PRUNE2: variants seen among roughly 807,000 people sequenced by gnomAD.
PRUNE2 encodes the protein protein prune homolog 2.
Under a neutral mutation model 252.0 loss-of-function variants are expected in PRUNE2, and 164 were observed. The observed-to-expected ratio is 0.65, with a 90% CI of 0.57 to 0.74. The LOEUF is 0.74. PRUNE2 is among the 30% of genes least tolerant of loss of function. The pLI is 0.00. For synonymous variants in PRUNE2, 1,292 were observed against 1,350.2 expected, an observed-to-expected ratio of 0.96 and a Z score of 0.94; for missense variants, 3,495 against 3,711.0, an observed-to-expected ratio of 0.94 and a Z score of 1.51.
intron 4 of PRUNE2, among the ~76,000 whole-genome samples, chr9:76,837,171 C>T (rs1225972951): frequency 1.3e-5 from 2 of 152,078 alleles, no homozygotes; most frequent in South Asian, 2.1e-4. Flanking sequence ...TGGCCGGGCA[C>T]AGTGGCTCTC....
At chr9:76,878,053 G>A (rs1321371558) in intron 1 of PRUNE2, among the ~76,000 whole-genome samples, 1 of 152,172 alleles carries the variant, frequency 6.6e-6, no homozygotes, top group East Asian at 1.9e-4. Flanking sequence ...AGATGCTGCA[G>A]GTCCTGCTGA....
intron 6 of PRUNE2, chr9:76,736,956 C>T (rs560604198): frequency 6.6e-6 from 1 of 152,030 alleles, no homozygotes; most frequent in Non-Finnish European, 1.5e-5. Context: ...CACACTGACC[C>T]GGGAAAGGTG....
At chr9:76,672,349 CT>C (rs1311574720) in intron 9 of PRUNE2, among the ~76,000 whole-genome samples, 2 of 113,586 alleles carry the variant, frequency 1.8e-5, no homozygotes, top group East Asian at 5.0e-4. Context: ...ACAAGAAGAG[CT>C]AACTATCCTA....
intron 6 of PRUNE2, among the ~76,000 whole-genome samples, chr9:76,793,936 A>G (rs2055800648): frequency 6.6e-6 from 1 of 152,180 alleles, no homozygotes; most frequent in East Asian, 1.9e-4. Context: ...CTTTTCAAAA[A>G]GGCGTGGGCT....
At position 76,870,740 on chromosome 9, in the gene PRUNE2, G is replaced by T. The variant is rs17785235; in HGVS notation, c.37-16532C>A. Among the ~76,000 whole-genome samples the T allele has an allele frequency of 5.8e-3, 885 of 152,020 alleles. 7 individuals are homozygous for T. Among genetic ancestry groups the T allele is most frequent in the Admixed American group, 0.012 (176 of 15,254 alleles). ...TTGGTTTCCAGATGTGGTGGTAGGGGATGTTGACAGTAAGATGTGGAGTGA... is the reference window on the plus strand; with the variant it reads ...TTGGTTTCCAGATGTGGTGGTAGGGTATGTTGACAGTAAGATGTGGAGTGA... On this transcript the variant is annotated intron_variant, in intron 1 of 18. Coordinates refer to ENST00000376718, the MANE Select transcript of PRUNE2 (RefSeq NM_015225.3).
chr9:76,720,000 A>T (rs1299368071), intron 6 of PRUNE2, among the ~76,000 whole-genome samples: 1 of 152,214 alleles, frequency 6.6e-6, no homozygotes, highest in African/African-American at 2.4e-5. Context: ...TTTGTGGACA[A>T]AGCTGTTAAC....
At chr9:76,843,081 C>T (rs1411070412) in intron 4 of PRUNE2, among the ~76,000 whole-genome samples, 2 of 152,134 alleles carry the variant, frequency 1.3e-5, no homozygotes, top group Admixed American at 1.3e-4. Context: ...AAATGCCCAT[C>T]AATGATAGAC....
chr9:76,632,228 A>G (rs1837970545), intron 15 of PRUNE2, among the ~76,000 whole-genome samples: 1 of 152,224 alleles, frequency 6.6e-6, no homozygotes, highest in Admixed American at 6.5e-5. Flanking sequence ...CCAAACTGCC[A>G]ATAACTCATT....
intron 9 of PRUNE2, among the ~76,000 whole-genome samples, chr9:76,702,113 G>GCAGTCACAC (rs771325262): frequency 2.9e-4 from 44 of 151,076 alleles, no homozygotes; most frequent in Non-Finnish European, 4.9e-4. Flanking sequence ...AGGCTGGAGT[G>GCAGTCACAC]CAGTCACACG....
intron 16 of PRUNE2, among the ~76,000 whole-genome samples, chr9:76,627,533 T>C (rs1835459145): frequency 6.6e-6 from 1 of 152,064 alleles, no homozygotes; most frequent in Non-Finnish European, 1.5e-5. Flanking sequence ...CTAATGAGGG[T>C]TGAAGCCGTC....
chr9:76,729,889 A>G (rs913383714), intron 6 of PRUNE2, among the ~76,000 whole-genome samples: 1 of 152,200 alleles, frequency 6.6e-6, no homozygotes, highest in Admixed American at 6.5e-5. Flanking sequence ...AAACTTAGAC[A>G]TATGTAAAAA....
intron 4 of PRUNE2, among the ~76,000 whole-genome samples, chr9:76,829,136 A>G (rs1481556347): frequency 2.0e-5 from 3 of 152,124 alleles, no homozygotes; most frequent in African/African-American, 7.2e-5. Flanking sequence ...CAAGGATAAA[A>G]GCTAAATCAA....
At chr9:76,739,541 T>G (rs1362167501) in intron 6 of PRUNE2, 2 of 152,112 alleles carry the variant, frequency 1.3e-5, no homozygotes, top group East Asian at 3.8e-4. Context: ...TACTGAATTT[T>G]TTTTTTTTTA....
chr9:76,905,152 A>C (rs543503423), intron 1 of PRUNE2, among the ~76,000 whole-genome samples: 1 of 152,230 alleles, frequency 6.6e-6, no homozygotes, highest in African/African-American at 2.4e-5. Context: ...GCTGTGCTGG[A>C]GAGCCAAAAC....
rs528536471 is a variant in PRUNE2, at chr9:76,756,565, CAT to C, written c.757-42846_757-42845del. On this transcript the variant is annotated intron_variant, in intron 6 of 18. Transcript: ENST00000376718. ...AACAGCTGCATTCTCTTTGCCAACA[CAT>C]GTGTTTTTCAAAATCTCATTAGACA... Among the ~76,000 whole-genome samples the C allele has an allele frequency of 7.7e-3, 1,180 of 152,362 alleles. 11 individuals are homozygous for C. Among genetic ancestry groups the C allele is most frequent in the African/African-American group, 0.027 (1,112 of 41,586 alleles).
At chr9:76,655,563 A>G in intron 9 of PRUNE2, 61 bp from the exon 10 acceptor site, 1 of 1,235,892 alleles carries the variant, frequency 8.1e-7, no homozygotes, top group Non-Finnish European at 1.2e-6. Flanking sequence ...ATTTCTTTTG[A>G]AAAGGAAACC....
chr9:76,778,764 T>C (rs2131141894), intron 6 of PRUNE2: 1 of 152,338 alleles, frequency 6.6e-6, no homozygotes, highest in South Asian at 2.1e-4. Flanking sequence ...CCTAGAACAA[T>C]GCCCAGATTA....
At chr9:76,841,148 C>T (rs1279209913) in intron 4 of PRUNE2, among the ~76,000 whole-genome samples, 3 of 152,206 alleles carry the variant, frequency 2.0e-5, no homozygotes, top group Admixed American at 2.0e-4. Flanking sequence ...TGGGACTGGT[C>T]AGCCCAGCCA....
intron 6 of PRUNE2, among the ~76,000 whole-genome samples, chr9:76,774,604 G>A (rs1318918694): frequency 6.6e-6 from 1 of 151,768 alleles, no homozygotes; most frequent in African/African-American, 2.4e-5. Context: ...GATTACAGGT[G>A]TATGTCATCA....
Sources: gnomAD v4.1 joint callset for allele counts (sites outside exome capture counted in the v4.1 genomes callset) on GRCh38, gnomAD v4.1.1 for gene constraint, MANE v1.5 for transcripts, NCBI Gene and HGNC (gene_info 2026-07-23, HGNC 2026-07-21) for gene names.